The following WWOX variants were observed in gnomAD, a reference collection of about 807,000 sequenced individuals.
The protein encoded by WWOX is WW domain-containing oxidoreductase.
WWOX carries 69 observed loss-of-function variants against 46.2 expected under a neutral mutation model. The observed-to-expected ratio is 1.49, with a 90% confidence interval of 1.23 to 1.82. The LOEUF (loss-of-function observed/expected upper bound fraction) is 1.82. Ranked by LOEUF, WWOX falls within the 40% of genes most tolerant of loss-of-function variation. The pLI is 0.00. For synonymous variants in WWOX, 359 were observed against 202.6 expected (o/e 1.77, Z -6.56); for missense variants, 919 against 542.6 (o/e 1.69, Z -6.89).
At chr16:78,436,988 G>A (rs149610123) in intron 8 of WWOX, among the ~76,000 whole-genome samples, 265 of 152,306 alleles carry the variant, frequency 1.7e-3, no homozygotes, top group African/African-American at 6.1e-3. Flanking sequence ...GAGAAGCTTA[G>A]CATAGATGCA....
intron 5 of WWOX, among the ~76,000 whole-genome samples, chr16:78,301,020 G>GCATC (rs1209408212): frequency 1.0e-4 from 14 of 133,512 alleles, no homozygotes; most frequent in African/African-American, 2.6e-4. Context: ...ATCCATCCAT[G>GCATC]CATCCATCCA....
chr16:78,433,116 C>T (rs2083262475), intron 8 of WWOX, among the ~76,000 whole-genome samples: 1 of 152,136 alleles, frequency 6.6e-6, no homozygotes, highest in Admixed American at 6.5e-5. Flanking sequence ...TGTTTTGTGT[C>T]AGTAGGTAAA....
intron 8 of WWOX, among the ~76,000 whole-genome samples, chr16:78,560,913 A>C (rs2044419818): frequency 6.6e-6 from 1 of 152,118 alleles, no homozygotes. Flanking sequence ...TTAGCAGTTC[A>C]CATTCACATC....
At chr16:78,782,698 G>A (rs1260678745) in intron 8 of WWOX, among the ~76,000 whole-genome samples, 1 of 86,938 alleles carries the variant, frequency 1.2e-5, no homozygotes, top group Non-Finnish European at 2.2e-5. Context: ...TTTTCCAATT[G>A]TGATCATACT....
At chr16:78,482,228 C>G (rs1365810242) in intron 8 of WWOX, among the ~76,000 whole-genome samples, 2 of 152,086 alleles carry the variant, frequency 1.3e-5, no homozygotes, top group Non-Finnish European at 2.9e-5. Context: ...TGTCAAATAA[C>G]TCCATAATTT....
chr16:78,137,416 C>A (rs2033834066), intron 4 of WWOX, among the ~76,000 whole-genome samples: 1 of 152,172 alleles, frequency 6.6e-6, no homozygotes, highest in South Asian at 2.1e-4. Context: ...ACGTCAGCAT[C>A]ACAGAGTTGT....
chr16:78,355,253 T>C (rs2081260945), intron 5 of WWOX, among the ~76,000 whole-genome samples: 1 of 78,800 alleles, frequency 1.3e-5, no homozygotes, highest in South Asian at 3.1e-4. Context: ...TGTGTGTGTC[T>C]GTATATAAAA....
intron 8 of WWOX, among the ~76,000 whole-genome samples, chr16:78,472,905 C>T (rs760562555): frequency 1.3e-5 from 2 of 152,050 alleles, no homozygotes; most frequent in Admixed American, 6.5e-5. Flanking sequence ...CTGCGCCACT[C>T]CCTTCTTCCC....
At chr16:78,696,557 G>C (rs980121131) in intron 8 of WWOX, among the ~76,000 whole-genome samples, 1 of 152,140 alleles carries the variant, frequency 6.6e-6, no homozygotes, top group African/African-American at 2.4e-5. Context: ...GCAGCTCCCA[G>C]TGATCACAAG....
chr16:78,578,497 T>C (rs1421089130), intron 8 of WWOX, among the ~76,000 whole-genome samples: 2 of 151,316 alleles, frequency 1.3e-5, no homozygotes, highest in African/African-American at 2.4e-5. Flanking sequence ...CACCATGTTA[T>C]CAGGATGGTC....
chr16:78,425,213 C>G (rs896064560), intron 7 of WWOX, among the ~76,000 whole-genome samples, 158 bp downstream of exon 7: 2 of 151,878 alleles, frequency 1.3e-5, no homozygotes, highest in African/African-American at 4.8e-5. Flanking sequence ...CTTTTTTGTT[C>G]GCCTGTGATT....
rs566143027 is a variant in WWOX at position 78,798,524 on chromosome 16, C to T, written c.1056+365772C>T. ...TGTACTTGAGTCCTTAGACAGAAAG[C>T]ATCTTATCATTCACAAGCTTAGCTA... is the stretch of plus-strand genomic sequence containing the variant. On this transcript the variant is annotated intron_variant, in intron 8 of 8. Coordinates refer to ENST00000566780, the MANE Select transcript of WWOX (RefSeq NM_016373.4). Among the ~76,000 whole-genome samples, 5 of 151,580 alleles carry T rather than the reference C, an allele frequency of 3.3e-5. No individual in the cohort carries two copies. The South Asian group carries it at 8.4e-4, about 25-fold the overall frequency.
At chr16:78,476,873 GAT>G (rs2084362075) in intron 8 of WWOX, among the ~76,000 whole-genome samples, 1 of 151,818 alleles carries the variant, frequency 6.6e-6, no homozygotes, top group Non-Finnish European at 1.5e-5. Flanking sequence ...CTCCCTTCCT[GAT>G]TTCCCATCTT....
chr16:78,533,582 A>G (rs758539932), intron 8 of WWOX, among the ~76,000 whole-genome samples: 8 of 152,190 alleles, frequency 5.3e-5, no homozygotes, highest in Non-Finnish European at 1.0e-4. Context: ...AAAGACTTCT[A>G]GTGGGAGAGA....
chr16:78,662,181 G>C (rs1408708457), intron 8 of WWOX, among the ~76,000 whole-genome samples: 2 of 152,144 alleles, frequency 1.3e-5, no homozygotes, highest in African/African-American at 2.4e-5. Flanking sequence ...GAGCTACTCT[G>C]AGGATGAATT....
At chr16:79,168,230 C>G (rs1418168670) in intron 8 of WWOX, among the ~76,000 whole-genome samples, 1 of 152,080 alleles carries the variant, frequency 6.6e-6, no homozygotes, top group Non-Finnish European at 1.5e-5. Flanking sequence ...TCTCACTTTT[C>G]TTGGGTATAT....
At chr16:78,849,842 G>A (rs1344843430) in intron 8 of WWOX, among the ~76,000 whole-genome samples, 1 of 152,146 alleles carries the variant, frequency 6.6e-6, no homozygotes, top group Non-Finnish European at 1.5e-5. Context: ...GGAGGCCGAG[G>A]TGGTCAGATC....
intron 8 of WWOX, among the ~76,000 whole-genome samples, chr16:79,013,382 A>G (rs181156394): frequency 2.8e-4 from 43 of 152,304 alleles, no homozygotes; most frequent in African/African-American, 8.7e-4. Context: ...CCCGATCCCT[A>G]TCTTGTCTCT....
intron 8 of WWOX, among the ~76,000 whole-genome samples, chr16:78,546,229 G>C (rs1457102085): frequency 6.6e-6 from 1 of 152,174 alleles, no homozygotes; most frequent in Non-Finnish European, 1.5e-5. Flanking sequence ...TTGTGTAGGA[G>C]CTAGAGAAGG....
Sources: allele counts gnomAD v4.1 joint callset (sites outside exome capture counted in the v4.1 genomes callset), GRCh38; gene constraint gnomAD v4.1.1; transcripts MANE v1.5; gene names NCBI Gene and HGNC (gene_info 2026-07-23, HGNC 2026-07-21).